Variants in SEMA4B observed in about 807,000 individuals in gnomAD.
The protein encoded by SEMA4B is semaphorin 4B.
Under a neutral mutation model 88.1 loss-of-function variants are expected in SEMA4B, and 55 were observed. That is an observed-to-expected ratio of 0.62 (90% CI 0.50 to 0.78). The LOEUF (loss-of-function observed/expected upper bound fraction) is 0.78. SEMA4B is among the 30% of genes least tolerant of loss of function. The probability of loss-of-function intolerance (pLI) is 0.00; values close to 1 mark genes in which losing one functional copy is unlikely to be tolerated. For missense variants in SEMA4B, 1,062 were observed against 1,111.9 expected (o/e 0.96, Z 0.64); for synonymous variants, 525 against 473.6 (o/e 1.11, Z -1.41).
chr15:90,188,888 T>A (rs1201811709), intron 1 of SEMA4B, among the ~76,000 whole-genome samples: 2 of 151,834 alleles, frequency 1.3e-5, no homozygotes, highest in African/African-American at 4.8e-5. Flanking sequence ...CAGGATGGTC[T>A]ACGATCTCCT....
intron 3 of SEMA4B, among the ~76,000 whole-genome samples, chr15:90,219,038 A>G (rs549042342): frequency 1.4e-3 from 219 of 152,198 alleles, no homozygotes; most frequent in African/African-American, 5.0e-3. Context: ...ACATGGTCTC[A>G]CCTGTGTACT....
At chr15:90,225,906 G>A in intron 12 of SEMA4B, 79 bp downstream of exon 12, 1 of 1,207,204 alleles carries the variant, frequency 8.3e-7, no homozygotes, top group Non-Finnish European at 1.1e-6. Context: ...GGCCCTCCTT[G>A]GGACCGCCAC....
chr15:90,206,686 C>T, intron 1 of SEMA4B: 1 of 705,864 alleles, frequency 1.4e-6, no homozygotes, highest in Non-Finnish European at 2.5e-6. Flanking sequence ...GCAAAGCTAC[C>T]AAAGCCTTAG....
At chr15:90,217,281 C>T (rs1158372465) in intron 1 of SEMA4B, 158 bp from the exon 2 acceptor site, 14 of 618,532 alleles carry the variant, frequency 2.3e-5, no homozygotes, top group Non-Finnish European at 3.9e-5. Flanking sequence ...GAATGCTGCT[C>T]GCCCATCAAA....
At chr15:90,213,892 G>A (rs1961393966) in intron 1 of SEMA4B, among the ~76,000 whole-genome samples, 1 of 152,222 alleles carries the variant, frequency 6.6e-6, no homozygotes, top group African/African-American at 2.4e-5. Context: ...TGACATGTAT[G>A]AGAAACTGCA....
chr15:90,222,210 G>A (rs1306859027), intron 7 of SEMA4B, among the ~76,000 whole-genome samples: 6 of 148,214 alleles, frequency 4.0e-5, no homozygotes, highest in Admixed American at 1.3e-4. Context: ...AAAGTGCTGG[G>A]ATTACAGGCA....
intron 1 of SEMA4B, among the ~76,000 whole-genome samples, chr15:90,202,701 A>G (rs141523942): frequency 3.3e-5 from 5 of 152,340 alleles, no homozygotes; most frequent in Admixed American, 1.3e-4. Context: ...TATGAAGTTT[A>G]TAAGTGCCCA....
At position 90,206,867 on chromosome 15, in the gene SEMA4B, C is replaced by G. The variant is rs984203334; in HGVS notation, c.157+5132C>G. ...TGTCAAATTGACAGAGAGGGGAAAC[C>G]CCGTAAAGTGGTTGGTTGCAGTTGT... On this transcript the variant is annotated intron_variant, in intron 1 of 13. Coordinates refer to ENST00000411539, the MANE Select transcript of SEMA4B (RefSeq NM_198925.4). 9.8e-6 allele frequency: 7 copies of G among 715,456 alleles called. No individual in the cohort carries two copies. The African/African-American group carries it at 1.0e-4, about 11-fold the overall frequency. The allele number at this position is 715,456 out of a possible 1,614,324, so 44.3% of individuals were successfully genotyped here.
At chr15:90,194,345 C>G (rs1170350227) in intron 1 of SEMA4B, among the ~76,000 whole-genome samples, 1 of 151,714 alleles carries the variant, frequency 6.6e-6, no homozygotes, top group Non-Finnish European at 1.5e-5. Context: ...CAGCCGTGAC[C>G]AACATGGTGA....
At chr15:90,199,734 G>A (rs1567044729), upstream of SEMA4B, among the ~76,000 whole-genome samples, 1 of 152,106 alleles carries the variant, frequency 6.6e-6, no homozygotes, top group Non-Finnish European at 1.5e-5. Flanking sequence ...GCTGAGGCAG[G>A]AGAATCACTT....
At chr15:90,214,489 C>T (rs552209348) in intron 1 of SEMA4B, among the ~76,000 whole-genome samples, 1 of 150,964 alleles carries the variant, frequency 6.6e-6, no homozygotes, top group African/African-American at 2.4e-5. Flanking sequence ...AATACTTTGC[C>T]GGGCGTGGTG....
Position 90,217,611 on chromosome 15 carries a change from T to C in SEMA4B, c.321+9T>C, listed in dbSNP as rs558944349. Reference sequence around the variant, plus strand: ...GCGGGGAGTACCAGGAGGTGAGAGATGTTGCCTGGAGCTGGCTAGGCTGGG... The same window carrying C: ...GCGGGGAGTACCAGGAGGTGAGAGACGTTGCCTGGAGCTGGCTAGGCTGGG... On this transcript the variant is annotated intron_variant, in intron 2 of 13. Transcript: ENST00000411539. 46 of 1,613,056 alleles carry C rather than the reference T, an allele frequency of 2.9e-5. No homozygotes were observed. The highest frequency in any genetic ancestry group is 3.6e-5 in the Non-Finnish European group (43 of 1,179,480).
In SEMA4B at chr15:90,228,591, GC is replaced by G. The variant is rs1471022073; in HGVS notation, c.2467del (p.Arg823GlyfsTer18). On this transcript the variant is annotated frameshift_variant, in exon 14 of 14. Transcript: ENST00000411539. LOFTEE classifies it high-confidence loss of function. ...QDSFVEVSPV[C>X]PRPRVRLGSE... is the part of the protein sequence containing the mutation. ...AGCTTCGTGGAGGTATCCCCAGTGT[GC>G]CCCCGGCCCCGGGTCCGCCTTGGCT... 1.9e-6 allele frequency: 3 copies of G among 1,613,436 alleles called. No individual in the cohort carries two copies. Among genetic ancestry groups the G allele is most frequent in the Non-Finnish European group, 2.5e-6 (3 of 1,179,884 alleles).
intron 3 of SEMA4B, chr15:90,219,557 G>A (rs112394912): frequency 2.1e-6 from 1 of 466,326 alleles, no homozygotes; most frequent in Non-Finnish European, 3.8e-6. Context: ...TAGGCCGAAG[G>A]AAAGTTTGCC....
intron 1 of SEMA4B, among the ~76,000 whole-genome samples, chr15:90,205,604 T>C (rs111520754): frequency 1.6e-4 from 24 of 152,356 alleles, no homozygotes; most frequent in African/African-American, 3.1e-4. Context: ...AAATAATGTA[T>C]GTAAAGTGTT....
chr15:90,200,768 G>C (rs905883700), upstream of SEMA4B, among the ~76,000 whole-genome samples: 8 of 152,222 alleles, frequency 5.3e-5, no homozygotes, highest in Non-Finnish European at 7.3e-5. Flanking sequence ...CGCGTGGACA[G>C]AATATTAAGC....
chr15:90,207,302 G>A (rs1398229018), intron 1 of SEMA4B, among the ~76,000 whole-genome samples: 2 of 148,002 alleles, frequency 1.4e-5, no homozygotes, highest in Non-Finnish European at 3.0e-5. Context: ...CCTGTGGCGA[G>A]GGGGTTTCAG....
intron 3 of SEMA4B, 186 bp from the exon 4 acceptor site, chr15:90,219,607 C>T (rs1348449004): frequency 5.2e-6 from 3 of 581,086 alleles, no homozygotes; most frequent in South Asian, 2.1e-5. Context: ...CCCTGCAGCA[C>T]ACACACTCTG....
At chr15:90,196,561 A>G (rs1011139220), upstream of SEMA4B, among the ~76,000 whole-genome samples, 1 of 152,026 alleles carries the variant, frequency 6.6e-6, no homozygotes, top group Non-Finnish European at 1.5e-5. Flanking sequence ...ATCTCGGATC[A>G]CTGCAACCTC....
Sources: gnomAD v4.1 joint callset for allele counts (sites outside exome capture counted in the v4.1 genomes callset) on GRCh38, gnomAD v4.1.1 for gene constraint, MANE v1.5 for transcripts, NCBI Gene and HGNC (gene_info 2026-07-23, HGNC 2026-07-21) for gene names.